Variants in ADAMTSL1 observed in about 807,000 individuals in gnomAD.
The protein encoded by ADAMTSL1 is ADAMTS like 1, also known as ADAMTS-like protein 1.
Under a neutral mutation model 201.8 loss-of-function variants are expected in ADAMTSL1, and 126 were observed. The observed-to-expected ratio is 0.62, with a 90% CI of 0.54 to 0.72. The LOEUF is 0.72. Among genes scored for constraint, ADAMTSL1 ranks in the 30% least tolerant of loss-of-function variants. ADAMTSL1 has a pLI of 0.00. For synonymous variants in ADAMTSL1, 1,121 were observed against 903.4 expected (o/e 1.24, Z -4.32); for missense variants, 2,679 against 2,277.8 (o/e 1.18, Z -3.59).
At chr9:18,073,885 G>T (rs987819815) in intron 1 of ADAMTSL1, among the ~76,000 whole-genome samples, 8 of 152,114 alleles carry the variant, frequency 5.3e-5, no homozygotes, top group Non-Finnish European at 1.0e-4. Flanking sequence ...GGACTTCTAA[G>T]TTAGAATTCT....
chr9:17,919,122 T>C (rs138433677), intron 1 of ADAMTSL1, among the ~76,000 whole-genome samples: 1 of 151,996 alleles, frequency 6.6e-6, no homozygotes, highest in Admixed American at 6.6e-5. Flanking sequence ...TTCCTAATTC[T>C]CTTTCAAATC....
Position 18,533,289 on chromosome 9 carries a change from T to C in ADAMTSL1, c.234T>C (p.Asn78=), listed in dbSNP as rs781219355. The C allele has an allele frequency of 9.3e-6, 15 of 1,609,444 alleles. 1 individual carries two copies. The South Asian group carries it at 1.7e-4, about 18-fold the overall frequency. Residue 78 remains asparagine (N), a synonymous_variant, in exon 3 of 29, where the codon AAT becomes AAC. Transcript: ENST00000380548. ...GRNIRYRTCS[N]VDCPPEAGDF... ...ATATCCGATACAGAACATGCAGTAATGTGGTAAGTATAAGGTTCTGAGATT... is the reference window on the plus strand; with the variant it reads ...ATATCCGATACAGAACATGCAGTAACGTGGTAAGTATAAGGTTCTGAGATT...
chr9:18,822,521 G>T (rs374679550), intron 21 of ADAMTSL1, among the ~76,000 whole-genome samples: 1 of 152,304 alleles, frequency 6.6e-6, no homozygotes, highest in East Asian at 1.9e-4. Flanking sequence ...GGCATTAAAG[G>T]TATCTCAGTT....
chr9:18,391,802 A>G (rs1039833274), intron 2 of ADAMTSL1, among the ~76,000 whole-genome samples: 3 of 145,972 alleles, frequency 2.1e-5, no homozygotes, highest in Non-Finnish European at 4.5e-5. Flanking sequence ...TGAATCAACT[A>G]CTTTTTTTCT....
intron 2 of ADAMTSL1, among the ~76,000 whole-genome samples, chr9:18,222,217 T>C (rs1404474103): frequency 6.6e-6 from 1 of 151,944 alleles, no homozygotes; most frequent in Non-Finnish European, 1.5e-5. Context: ...TTGTTTTTGC[T>C]TTTTTCTCAA....
chr9:18,724,626 C>A (rs1817755784), intron 15 of ADAMTSL1, among the ~76,000 whole-genome samples: 1 of 152,174 alleles, frequency 6.6e-6, no homozygotes, highest in Non-Finnish European at 1.5e-5. Flanking sequence ...AGCTTTGTGT[C>A]TGAATCCTCC....
intron 1 of ADAMTSL1, among the ~76,000 whole-genome samples, chr9:18,073,808 G>T (rs2131741888): frequency 6.6e-6 from 1 of 152,280 alleles, no homozygotes; most frequent in South Asian, 2.1e-4. Context: ...AACTTCAGCG[G>T]CCTTGGCAAT....
At chr9:18,443,156 A>G (rs1004129124) in intron 2 of ADAMTSL1, among the ~76,000 whole-genome samples, 2 of 152,330 alleles carry the variant, frequency 1.3e-5, no homozygotes, top group African/African-American at 4.8e-5. Context: ...TGTATTTTAT[A>G]GGGATAAGGA....
chr9:18,007,908 G>A (rs939837271), intron 1 of ADAMTSL1, among the ~76,000 whole-genome samples: 7 of 151,958 alleles, frequency 4.6e-5, no homozygotes, highest in Non-Finnish European at 8.8e-5. Flanking sequence ...TTTTGGCTCA[G>A]TTAACTTGCT....
chr9:18,637,579 A>G (rs1386318019), intron 6 of ADAMTSL1, among the ~76,000 whole-genome samples: 2 of 152,316 alleles, frequency 1.3e-5, no homozygotes, highest in Non-Finnish European at 2.9e-5. Context: ...TAAAGATTTG[A>G]TGAAAAGCAA....
chr9:18,130,555 A>G (rs1293399905), intron 1 of ADAMTSL1, among the ~76,000 whole-genome samples: 2 of 152,132 alleles, frequency 1.3e-5, no homozygotes, highest in African/African-American at 2.4e-5. Flanking sequence ...ATCTGATTGC[A>G]TGATTTCCTG....
At chr9:18,267,793 A>AAAC (rs1563846276) in intron 2 of ADAMTSL1, among the ~76,000 whole-genome samples, 2 of 148,166 alleles carry the variant, frequency 1.3e-5, no homozygotes, top group African/African-American at 5.0e-5. Flanking sequence ...AAAACAAAAA[A>AAAC]ACCTTAATCT....
At chr9:18,615,925 G>C (rs1332724051) in intron 4 of ADAMTSL1, among the ~76,000 whole-genome samples, 3 of 152,138 alleles carry the variant, frequency 2.0e-5, no homozygotes, top group Non-Finnish European at 4.4e-5. Flanking sequence ...ACATGTGCCA[G>C]AATTTTGCCA....
chr9:18,890,068 A>C (rs561262225), intron 25 of ADAMTSL1, among the ~76,000 whole-genome samples: 2 of 152,204 alleles, frequency 1.3e-5, no homozygotes, highest in Non-Finnish European at 2.9e-5. Context: ...TCCTACAGTA[A>C]TCAACTGACT....
chr9:18,287,646 TATACATATACAC>T (rs1563860133), intron 2 of ADAMTSL1, among the ~76,000 whole-genome samples: 9 of 106,378 alleles, frequency 8.5e-5, no homozygotes, highest in African/African-American at 1.8e-4. Flanking sequence ...TATGTATGTG[TATACATATACAC>T]ATATATGTAT....
At chr9:18,409,769 A>G (rs1818357573) in intron 2 of ADAMTSL1, among the ~76,000 whole-genome samples, 1 of 150,424 alleles carries the variant, frequency 6.6e-6, no homozygotes, top group South Asian at 2.1e-4. Context: ...ATATGTATAC[A>G]TACATACATG....
chr9:18,348,775 A>G (rs1835837073), intron 2 of ADAMTSL1, among the ~76,000 whole-genome samples: 1 of 152,142 alleles, frequency 6.6e-6, no homozygotes, highest in Non-Finnish European at 1.5e-5. Context: ...ATTGAACCTC[A>G]AAGTAGGTTC....
rs59150507 is a variant in ADAMTSL1 at position 18,876,301 on chromosome 9, C to CGT, written c.4250-11502_4250-11501dup. 6.5e-3 allele frequency among the ~76,000 whole-genome samples: 906 copies of CGT among 139,674 alleles called. 5 individuals carry two copies. Among genetic ancestry groups the CGT allele is most frequent in the East Asian group, 0.038 (181 of 4,712 alleles). 91.6% of individuals were successfully genotyped at this position (139,674 alleles called of 152,430 possible). ...TATTGTGCTAGTTGTTGCCTGAATA[C>CGT]GTGTGTGTGTGTGTGTGTGTGTGTG... On this transcript the variant is annotated intron_variant, in intron 23 of 28. Coordinates refer to ENST00000380548, the MANE Select transcript of ADAMTSL1 (RefSeq NM_001040272.6).
At chr9:18,627,071 C>T (rs1395163129) in intron 5 of ADAMTSL1, among the ~76,000 whole-genome samples, 1 of 151,894 alleles carries the variant, frequency 6.6e-6, no homozygotes, top group African/African-American at 2.4e-5. Flanking sequence ...GCCTTGACCT[C>T]CTGGACTCAG....
Sources: gnomAD v4.1 joint callset for allele counts (sites outside exome capture counted in the v4.1 genomes callset) on GRCh38, gnomAD v4.1.1 for gene constraint, MANE v1.5 for transcripts, NCBI Gene and HGNC (gene_info 2026-07-23, HGNC 2026-07-21) for gene names.